FHIT: variants seen among roughly 807,000 people sequenced by gnomAD.
FHIT encodes fragile histidine triad diadenosine triphosphatase, also known as bis(5'-adenosyl)-triphosphatase.
A neutral mutation model predicts 17.9 loss-of-function variants in FHIT; 19 were observed. The ratio of observed to expected loss-of-function variants is 1.06; its 90% CI spans 0.74 to 1.56. The LOEUF (loss-of-function observed/expected upper bound fraction) is 1.56, where lower values mean the gene tolerates loss of function less well. Among genes scored for constraint, FHIT ranks in the 40% most tolerant of loss-of-function variants. FHIT has a pLI of 0.00. For synonymous variants in FHIT, 81 were observed against 69.7 expected (o/e 1.16, Z -0.81); for missense variants, 248 against 189.2 (o/e 1.31, Z -1.82).
intron 5 of FHIT, among the ~76,000 whole-genome samples, chr3:60,478,610 G>C (rs920409048): frequency 2.6e-5 from 4 of 152,166 alleles, no homozygotes; most frequent in Non-Finnish European, 5.9e-5. Context: ...TTCAAGAGCA[G>C]CAGGGTAAGG....
intron 5 of FHIT, among the ~76,000 whole-genome samples, chr3:60,446,895 AT>A (rs1450205051): frequency 2.7e-5 from 4 of 146,206 alleles, no homozygotes; most frequent in Non-Finnish European, 3.0e-5. Context: ...AATAATAATA[AT>A]AATAAAAAGC....
At chr3:59,995,515 A>C (rs1309171903) in intron 7 of FHIT, among the ~76,000 whole-genome samples, 1 of 152,158 alleles carries the variant, frequency 6.6e-6, no homozygotes, top group African/African-American at 2.4e-5. Context: ...ACTTTCTGTT[A>C]TTGTAAACTT....
At chr3:60,690,412 G>A in intron 4 of FHIT, 1 of 580,328 alleles carries the variant, frequency 1.7e-6, no homozygotes, top group South Asian at 1.4e-5. Context: ...GTTGGGTCCA[G>A]CATTTGCCAT....
intron 5 of FHIT, among the ~76,000 whole-genome samples, chr3:60,201,246 A>G (rs1702889852): frequency 6.6e-6 from 1 of 152,098 alleles, no homozygotes. Flanking sequence ...GTGGCTCCCA[A>G]TGGTATCTTA....
chr3:60,701,314 A>C (rs1559650525), intron 4 of FHIT, among the ~76,000 whole-genome samples: 1 of 152,014 alleles, frequency 6.6e-6, no homozygotes, highest in Non-Finnish European at 1.5e-5. Context: ...CCTACTGCCT[A>C]GACAGAGCCA....
chr3:61,208,714 G>T (rs542138779), intron 1 of FHIT, among the ~76,000 whole-genome samples: 1 of 151,816 alleles, frequency 6.6e-6, no homozygotes, highest in Non-Finnish European at 1.5e-5. Flanking sequence ...GTGTGTCTCT[G>T]TACATGACAT....
chr3:60,418,376 G>GTATA (rs869203310), intron 5 of FHIT, among the ~76,000 whole-genome samples: 58 of 14,874 alleles, frequency 3.9e-3, no homozygotes, highest in African/African-American at 0.01. Context: ...CTGAATGTGT[G>GTATA]TATATATATA....
chr3:61,150,772 C>T (rs79317794), intron 2 of FHIT, among the ~76,000 whole-genome samples: 2,586 of 152,046 alleles, frequency 0.017, 61 homozygotes, highest in African/African-American at 0.058. Context: ...ATCCCACCAC[C>T]GACAGCAATG....
intron 7 of FHIT, among the ~76,000 whole-genome samples, chr3:59,951,323 G>T (rs766574492): frequency 6.6e-6 from 1 of 152,124 alleles, no homozygotes; most frequent in Non-Finnish European, 1.5e-5. Context: ...CGACTTTGTA[G>T]CCATTGCTGT....
intron 4 of FHIT, among the ~76,000 whole-genome samples, chr3:60,657,398 A>T (rs181675930): frequency 3.9e-5 from 6 of 152,266 alleles, no homozygotes; most frequent in Admixed American, 3.3e-4. Context: ...ACTGACCTCA[A>T]ATGGGAGGTT....
intron 7 of FHIT, among the ~76,000 whole-genome samples, chr3:59,944,879 AG>A (rs566373595): frequency 6.1e-4 from 93 of 152,286 alleles, no homozygotes; most frequent in African/African-American, 2.2e-3. Context: ...GTGGCTGCAT[AG>A]TACTCCATGG....
At chr3:60,215,185 G>A (rs935601091) in intron 5 of FHIT, among the ~76,000 whole-genome samples, 1 of 151,992 alleles carries the variant, frequency 6.6e-6, no homozygotes, top group African/African-American at 2.4e-5. Context: ...TAAGATAAAA[G>A]TAATTCATTC....
chr3:61,142,162 G>T (rs2037103695), intron 2 of FHIT, among the ~76,000 whole-genome samples: 1 of 151,212 alleles, frequency 6.6e-6, no homozygotes, highest in African/African-American at 2.4e-5. Flanking sequence ...TGCTGAAATA[G>T]GATGGTGGTG....
intron 5 of FHIT, among the ~76,000 whole-genome samples, chr3:60,067,603 G>A (rs766617639): frequency 6.6e-6 from 1 of 152,148 alleles, no homozygotes; most frequent in Non-Finnish European, 1.5e-5. Flanking sequence ...CTTATCAATT[G>A]CCATTGTTGT....
At chr3:60,205,562 G>T (rs753788150) in intron 5 of FHIT, among the ~76,000 whole-genome samples, 48 of 152,258 alleles carry the variant, frequency 3.2e-4, no homozygotes, top group Non-Finnish European at 5.7e-4. Flanking sequence ...AGTTCAAAAG[G>T]AAGTTGTTGC....
At chr3:60,548,715 C>T (rs2036450920) in intron 4 of FHIT, among the ~76,000 whole-genome samples, 1 of 151,688 alleles carries the variant, frequency 6.6e-6, no homozygotes, top group Non-Finnish European at 1.5e-5. Context: ...AATGCATAAA[C>T]CTGTATTTTA....
chr3:60,809,262 T>C (rs974596998), intron 4 of FHIT, among the ~76,000 whole-genome samples: 1 of 152,176 alleles, frequency 6.6e-6, no homozygotes, highest in Non-Finnish European at 1.5e-5. Flanking sequence ...GTAGTTTTTC[T>C]CTCTCTGTTA....
intron 1 of FHIT, among the ~76,000 whole-genome samples, chr3:61,208,665 CT>C (rs780024374): frequency 2.6e-5 from 4 of 151,700 alleles, no homozygotes; most frequent in Non-Finnish European, 5.9e-5. Flanking sequence ...TTTCCATTTG[CT>C]TGGTAGATCT....
intron 5 of FHIT, among the ~76,000 whole-genome samples, chr3:60,458,964 T>A (rs931549481): frequency 2.1e-5 from 3 of 144,150 alleles, no homozygotes; most frequent in African/African-American, 8.0e-5. Flanking sequence ...TTTTTTTTTT[T>A]AGAAACAAAG....
Sources: allele counts gnomAD v4.1 joint callset (sites outside exome capture counted in the v4.1 genomes callset), GRCh38; gene constraint gnomAD v4.1.1; transcripts MANE v1.5; gene names NCBI Gene and HGNC (gene_info 2026-07-23, HGNC 2026-07-21).